Variants in PRKCQ observed in about 807,000 individuals in gnomAD.
PRKCQ encodes the protein protein kinase C theta.
A neutral mutation model predicts 91.2 loss-of-function variants in PRKCQ; 41 were observed. The observed-to-expected ratio is 0.45, with a 90% confidence interval of 0.35 to 0.58. The LOEUF (loss-of-function observed/expected upper bound fraction) is 0.58. PRKCQ is among the 20% of genes least tolerant of loss of function. The probability of loss-of-function intolerance (pLI) is 0.00; values close to 1 mark genes in which losing one functional copy is unlikely to be tolerated. For missense variants in PRKCQ, 673 were observed against 896.5 expected, an observed-to-expected ratio of 0.75 and a Z score of 3.18; for synonymous variants, 307 against 316.9, an observed-to-expected ratio of 0.97 and a Z score of 0.33.
rs1025734178 is a variant in PRKCQ at position 6,483,458 on chromosome 10, C to T, written c.1161G>A (p.Gly387=). The change falls in exon 11 of 18, where the codon GGG becomes GGA. Residue 387 remains glycine, a synonymous_variant. Coordinates refer to ENST00000263125, the MANE Select transcript of PRKCQ (RefSeq NM_006257.5). ...AGCTTACCTTGCCAAAACTTCCTTT[C>T]CCCAACATTTTGTGCAAGATAAAAT... ...IEDFILHKML[G]KGSFGKVFLA... The T allele has an allele frequency of 1.2e-6, 2 of 1,614,174 alleles. No homozygotes were observed. The highest frequency in any genetic ancestry group is 1.7e-6 in the Non-Finnish European group (2 of 1,180,018).
Position 6,550,332 on chromosome 10 carries a change from G to A in PRKCQ, c.-10+29879C>T, listed in dbSNP as rs193146261. On this transcript the variant is annotated intron_variant, in intron 1 of 17. Transcript: ENST00000263125. ...TCTGCCGCCCAGCCTGGAGTGCAGCGGTATGACCTTGGCTCACTGCAGCCT... is the reference window on the plus strand; with the variant it reads ...TCTGCCGCCCAGCCTGGAGTGCAGCAGTATGACCTTGGCTCACTGCAGCCT... Among the ~76,000 whole-genome samples, 709 of 152,152 alleles carry A rather than the reference G, an allele frequency of 4.7e-3. 7 individuals are homozygous for A. The highest frequency in any genetic ancestry group is 6.8e-3 in the Non-Finnish European group (465 of 68,024).
intron 1 of PRKCQ, among the ~76,000 whole-genome samples, chr10:6,526,344 G>C (rs994140910): frequency 2.0e-5 from 3 of 152,172 alleles, no homozygotes; most frequent in African/African-American, 7.2e-5. Flanking sequence ...GGACACTGCA[G>C]TCAGCCAAAG....
At chr10:6,523,640 C>T (rs932385553) in intron 1 of PRKCQ, among the ~76,000 whole-genome samples, 1 of 152,014 alleles carries the variant, frequency 6.6e-6, no homozygotes, top group Non-Finnish European at 1.5e-5. Context: ...GCACTTTCCC[C>T]CAAAAAACCA....
chr10:6,505,990 G>A (rs1838188175), intron 4 of PRKCQ, among the ~76,000 whole-genome samples: 1 of 152,046 alleles, frequency 6.6e-6, no homozygotes, highest in African/African-American at 2.4e-5. Flanking sequence ...TAAACTAATG[G>A]GAGGAATGTA....
At chr10:6,441,330 C>A (rs868481819) in intron 16 of PRKCQ, among the ~76,000 whole-genome samples, 1 of 152,076 alleles carries the variant, frequency 6.6e-6, no homozygotes, top group Non-Finnish European at 1.5e-5. Flanking sequence ...TCAGTAGAGA[C>A]CGTGTTTCTC....
At position 6,430,728 on chromosome 10, in the gene PRKCQ, A is replaced by C. The variant is rs1833367398; in HGVS notation, c.1965+82T>G. 1 of 1,550,594 alleles carries C rather than the reference A, an allele frequency of 6.4e-7. No homozygotes were observed. Among genetic ancestry groups the C allele is most frequent in the Admixed American group, 1.8e-5 (1 of 55,158 alleles). On this transcript the variant is annotated intron_variant, in intron 17 of 17. Transcript: ENST00000263125. The surrounding 1 kb of genome is among the most constrained non-coding windows in gnomAD (Gnocchi z 4.7). ...AGTTGGGGCACCGGCAGGGGTGAGC[A>C]GCTGCGGTGACTTGGACAGGCAGAC...
At chr10:6,554,448 A>G (rs995869758) in intron 1 of PRKCQ, among the ~76,000 whole-genome samples, 1 of 152,182 alleles carries the variant, frequency 6.6e-6, no homozygotes, top group African/African-American at 2.4e-5. Flanking sequence ...AGAGGGTGTT[A>G]GCTTAGTTTC....
chr10:6,446,145 C>G (rs1334059428), intron 15 of PRKCQ, among the ~76,000 whole-genome samples: 1 of 152,038 alleles, frequency 6.6e-6, no homozygotes, highest in Non-Finnish European at 1.5e-5. Context: ...TTGATAAGAA[C>G]CCCCCTGAGC....
intron 4 of PRKCQ, 40 bp downstream of exon 4, chr10:6,507,396 C>G (rs754980947): frequency 3.9e-6 from 6 of 1,544,782 alleles, no homozygotes; most frequent in Non-Finnish European, 2.7e-6. Context: ...GAAGGCCATG[C>G]CCTCCTCACC....
the PRKCQ span, among the ~76,000 whole-genome samples, chr10:6,412,576 A>C: frequency 3.9e-5 from 6 of 152,262 alleles, no homozygotes; most frequent in Non-Finnish European, 1.5e-5. Context: ...GGTGATATTC[A>C]AAGATACGCA....
At chr10:6,493,647 T>C (rs956529894) in intron 7 of PRKCQ, among the ~76,000 whole-genome samples, 4 of 152,172 alleles carry the variant, frequency 2.6e-5, no homozygotes, top group Non-Finnish European at 5.9e-5. Flanking sequence ...ATTCAGAGAT[T>C]TGCGTTTTTT....
At chr10:6,476,352 A>C (rs1836268234) in intron 12 of PRKCQ, among the ~76,000 whole-genome samples, 1 of 152,098 alleles carries the variant, frequency 6.6e-6, no homozygotes, top group Admixed American at 6.5e-5. Context: ...CACCAAGAGA[A>C]GCACAACTGC....
At chr10:6,466,092 A>T (rs765587288) in intron 12 of PRKCQ, among the ~76,000 whole-genome samples, 11 of 152,282 alleles carry the variant, frequency 7.2e-5, no homozygotes, top group Non-Finnish European at 1.5e-4. Flanking sequence ...TCTTCTTTTA[A>T]GTAGTCACGA....
intron 1 of PRKCQ, among the ~76,000 whole-genome samples, chr10:6,522,753 T>A (rs975275687): frequency 6.6e-6 from 1 of 152,166 alleles, no homozygotes; most frequent in African/African-American, 2.4e-5. Flanking sequence ...ACAATAGTCA[T>A]CACTTGTATC....
At chr10:6,553,515 AAACAAAC>A (rs1258821475) in intron 1 of PRKCQ, among the ~76,000 whole-genome samples, 7 of 145,288 alleles carry the variant, frequency 4.8e-5, no homozygotes, top group African/African-American at 1.6e-4. Flanking sequence ...AAAAAAAAAA[AAACAAAC>A]AAACAAAAGA....
At chr10:6,501,697 G>A (rs1837923326) in intron 4 of PRKCQ, among the ~76,000 whole-genome samples, 1 of 152,074 alleles carries the variant, frequency 6.6e-6, no homozygotes, top group South Asian at 2.1e-4. Context: ...GGTGGAACAT[G>A]CTTGTAATCC....
intron 1 of PRKCQ, among the ~76,000 whole-genome samples, chr10:6,523,265 C>T (rs1448339277): frequency 2.0e-5 from 3 of 151,982 alleles, no homozygotes; most frequent in Admixed American, 1.3e-4. Context: ...GCCTCAGGAA[C>T]AATGCAAGAC....
chr10:6,443,994 T>C (rs992731832), intron 15 of PRKCQ, among the ~76,000 whole-genome samples: 1 of 152,190 alleles, frequency 6.6e-6, no homozygotes, highest in East Asian at 1.9e-4. Context: ...TGGTATTTAA[T>C]GGGGACAGAG....
intron 1 of PRKCQ, among the ~76,000 whole-genome samples, chr10:6,541,664 C>T (rs987195155): frequency 6.6e-6 from 1 of 152,110 alleles, no homozygotes; most frequent in Non-Finnish European, 1.5e-5. Flanking sequence ...TTTAGTAAGT[C>T]CATGTTGAGA....
Sources: allele counts gnomAD v4.1 joint callset (sites outside exome capture counted in the v4.1 genomes callset), GRCh38; gene constraint gnomAD v4.1.1; non-coding constraint Gnocchi (gnomAD v3.1); transcripts MANE v1.5; gene names NCBI Gene and HGNC (gene_info 2026-07-23, HGNC 2026-07-21).